Variants in CALM2 observed in about 807,000 individuals in gnomAD.
The protein encoded by CALM2 is calmodulin-2.
Under a neutral mutation model 19.8 loss-of-function variants are expected in CALM2, and 2 were observed. The observed-to-expected ratio is 0.10, with a 90% CI of 0.04 to 0.32. The LOEUF (loss-of-function observed/expected upper bound fraction) is 0.32. Ranked by LOEUF, CALM2 falls within the 10% of genes least tolerant of loss-of-function variation. The pLI is 1.00. For missense variants in CALM2, 38 were observed against 178.7 expected (o/e 0.21, Z 4.49); for synonymous variants, 51 against 52.1 (o/e 0.98, Z 0.09).
At chr2:47,176,705 T>G, upstream of CALM2, 1 of 1,401,430 alleles carries the variant, frequency 7.1e-7, no homozygotes, top group Non-Finnish European at 9.3e-7. Flanking sequence ...ACGGATGACG[T>G]AAGTGGGTTT....
At chr2:47,166,761 A>T (rs1444185268) in intron 2 of CALM2, among the ~76,000 whole-genome samples, 2 of 152,108 alleles carry the variant, frequency 1.3e-5, no homozygotes, top group African/African-American at 2.4e-5. Flanking sequence ...CTAAACTGTA[A>T]CTCCCAGGAA....
chr2:47,162,197 AAAACAACCAAAAAAAC>A, intron 4 of CALM2, 73 bp downstream of exon 4: 1 of 462,376 alleles, frequency 2.2e-6, no homozygotes. Context: ...AAAAAAAAAA[AAAACAACCAAAAAAAC>A]ACAAGTCTTC....
Position 47,160,652 on chromosome 2 carries a change from C to A in CALM2, c.*124G>T. 5.5e-6 allele frequency: 3 copies of A among 550,182 alleles called. No individual in the cohort carries two copies. Among genetic ancestry groups the A allele is most frequent in the Non-Finnish European group, 6.5e-6 (2 of 306,720 alleles). 34.1% of individuals were successfully genotyped at this position (550,182 alleles called of 1,614,324 possible). A position where few individuals can be genotyped will look rare whatever the true frequency, so the allele number is the denominator to read the frequency against. ...GAAGAAAACATGGAGGAATGAAGTCCTAATTACTATACATGCATATTTTTT... is the reference window on the plus strand; with the variant it reads ...GAAGAAAACATGGAGGAATGAAGTCATAATTACTATACATGCATATTTTTT... On this transcript the variant is annotated 3_prime_UTR_variant, in exon 6 of 6. Transcript: ENST00000272298.
chr2:47,162,502 C>T lies in CALM2; in HGVS notation c.178+17G>A, dbSNP rs934381253. The stretch of plus-strand genomic sequence containing the variant: ...ACTTCTTCAACCCCTCCCAGCCCCA[C>T]AAAATTGAAGACTTACCATCAGCAT... On this transcript the variant is annotated intron_variant, in intron 3 of 5. Coordinates refer to ENST00000272298, the MANE Select transcript of CALM2 (RefSeq NM_001743.6). 3.7e-6 allele frequency: 6 copies of T among 1,613,974 alleles called. No individual in the cohort carries two copies. Among genetic ancestry groups the T allele is most frequent in the Non-Finnish European group, 5.1e-6 (6 of 1,179,972 alleles).
At chr2:47,168,194 T>C (rs922035534) in intron 2 of CALM2, among the ~76,000 whole-genome samples, 1 of 152,118 alleles carries the variant, frequency 6.6e-6, no homozygotes. Context: ...TTTAGTAGCA[T>C]AGAAGTTTTG....
intron 4 of CALM2, 85 bp from the exon 5 acceptor site, chr2:47,161,943 T>C (rs1687169856): frequency 9.0e-7 from 1 of 1,113,226 alleles, no homozygotes; most frequent in Admixed American, 2.2e-5. Context: ...CTACTAAATT[T>C]CACATTGGGG....
chr2:47,162,137 T>C, intron 4 of CALM2, 149 bp downstream of exon 4: 1 of 501,410 alleles, frequency 2.0e-6, no homozygotes, highest in Non-Finnish European at 3.3e-6. Context: ...TTAAAAAGCT[T>C]TTGCTTGGTA....
chr2:47,175,706 T>C (rs1469353154), intron 1 of CALM2, among the ~76,000 whole-genome samples: 3 of 145,074 alleles, frequency 2.1e-5, no homozygotes, highest in East Asian at 2.4e-4. Context: ...TCCCCGCCAA[T>C]GGCCCCGCAG....
chr2:47,176,728 G>C (rs962255173), upstream of CALM2: 64 of 1,379,074 alleles, frequency 4.6e-5, no homozygotes, highest in Admixed American at 3.7e-4. Flanking sequence ...TTTCCAGCGA[G>C]CCGTTAAAAG....
chr2:47,175,079 G>GTTTTTT (rs1491580925), intron 1 of CALM2, among the ~76,000 whole-genome samples: 1 of 11,054 alleles, frequency 9.0e-5, no homozygotes, highest in Non-Finnish European at 1.6e-4. Flanking sequence ...CCCTCATTAG[G>GTTTTTT]TGTTTTTTTT....
chr2:47,175,714 C>T (rs1451711368), intron 1 of CALM2, among the ~76,000 whole-genome samples: 1 of 151,908 alleles, frequency 6.6e-6, no homozygotes, highest in South Asian at 2.1e-4. Flanking sequence ...AATGGCCCCG[C>T]AGCGCCAAGG....
intron 2 of CALM2, chr2:47,167,693 CAAAAAAAAAAAAAAAAAAAAAAAA>C (rs58897204): frequency 2.5e-4 from 9 of 35,948 alleles, no homozygotes; most frequent in African/African-American, 1.0e-3. Context: ...AGCTCCGTCT[CAAAAAAAAAAAAAAAAAAAAAAAA>C]AAAAAAAAAA....
intron 1 of CALM2, among the ~76,000 whole-genome samples, chr2:47,174,364 T>C (rs73926762): frequency 0.023 from 3,498 of 152,186 alleles, 139 homozygotes; most frequent in African/African-American, 0.08. Flanking sequence ...ATGATCCTCC[T>C]GCCTCAGCCC....
chr2:47,168,134 CGGGCCTACAAA>C (rs1666549260), intron 2 of CALM2, among the ~76,000 whole-genome samples: 1 of 151,880 alleles, frequency 6.6e-6, no homozygotes, highest in South Asian at 2.1e-4. Context: ...TGGCAGGTAC[CGGGCCTACAAA>C]GTAGAACAAA....
At chr2:47,172,413 C>A (rs1333531876) in intron 1 of CALM2, 1 of 692,570 alleles carries the variant, frequency 1.4e-6, no homozygotes, top group Non-Finnish European at 2.3e-6. Flanking sequence ...ACAATACTTA[C>A]CTTGCAGGGT....
In CALM2 at chr2:47,176,462, T is replaced by G; in HGVS notation, c.-19A>C. The G allele has an allele frequency of 6.2e-7, 1 of 1,613,766 alleles. No individual in the cohort carries two copies. Among genetic ancestry groups the G allele is most frequent in the Non-Finnish European group, 8.5e-7 (1 of 1,179,980 alleles). On this transcript the variant is annotated 5_prime_UTR_variant, in exon 1 of 6. Transcript: ENST00000272298. ...TCACCATGCTGCAAGCGCTACCGGT[T>G]TCCGAGACGCGACCACACAACCACT...
intron 1 of CALM2, chr2:47,172,520 A>C: frequency 8.3e-7 from 1 of 1,198,016 alleles, no homozygotes; most frequent in East Asian, 5.8e-5. Context: ...ACAATGTTAA[A>C]TATCAACCTG....
At chr2:47,170,293 C>T in intron 2 of CALM2, among the ~76,000 whole-genome samples, 1 of 152,168 alleles carries the variant, frequency 6.6e-6, no homozygotes, top group African/African-American at 2.4e-5. Context: ...ATTATATATG[C>T]AATTCTTAGG....
At chr2:47,161,989 C>G (rs1030369451) in intron 4 of CALM2, 131 bp from the exon 5 acceptor site, 13 of 746,698 alleles carry the variant, frequency 1.7e-5, no homozygotes, top group Non-Finnish European at 2.4e-5. Context: ...CAAATCTACA[C>G]AGTTGACCTA....
Sources: gnomAD v4.1 joint callset for allele counts (sites outside exome capture counted in the v4.1 genomes callset) on GRCh38, gnomAD v4.1.1 for gene constraint, MANE v1.5 for transcripts, NCBI Gene and HGNC (gene_info 2026-07-23, HGNC 2026-07-21) for gene names.